PRSS23: variants seen among roughly 807,000 people sequenced by gnomAD.
PRSS23 encodes serine protease 23.
Under a neutral mutation model 34.7 loss-of-function variants are expected in PRSS23, and 25 were observed. That is an observed-to-expected ratio of 0.72 (90% CI 0.53 to 1.01). The LOEUF (loss-of-function observed/expected upper bound fraction) is 1.01. PRSS23 is among the 50% of genes least tolerant of loss of function. PRSS23 has a pLI of 0.00. For synonymous variants in PRSS23, 176 were observed against 186.6 expected, an observed-to-expected ratio of 0.94 and a Z score of 0.46; for missense variants, 445 against 475.6, an observed-to-expected ratio of 0.94 and a Z score of 0.60.
rs192968562 is a variant in PRSS23 at position 86,803,657 on chromosome 11, C to G, written c.-14+3006C>G. The stretch of plus-strand genomic sequence containing the variant: ...TAATGGACAGGAGGGTTGTTTCCCC[C>G]TCAGGCTTTTCTTTGGGGCCTGTCT... On this transcript the variant is annotated intron_variant, in intron 1 of 1. Transcript: ENST00000280258. Among the ~76,000 whole-genome samples, 303 of 152,244 alleles carry G rather than the reference C, an allele frequency of 2.0e-3. 3 individuals carry two copies. The highest frequency in any genetic ancestry group is 0.019 in the Admixed American group (285 of 15,286).
At chr11:86,837,214 G>A (rs1485654107) in intron 2 of PRSS23, 1 of 152,152 alleles carries the variant, frequency 6.6e-6, no homozygotes, top group Non-Finnish European at 1.5e-5. Flanking sequence ...GAACTCAAAT[G>A]TATTATTTTA....
chr11:86,823,928 C>A lies in PRSS23; in HGVS notation c.206+335C>A, dbSNP rs1364342405. The stretch of plus-strand genomic sequence containing the variant: ...GGCTGAGGCAGGAGAATGGCGTGAA[C>A]CCGGGAGGTGGAGCTTGCAGTGAGC... On this transcript the variant is annotated intron_variant, in intron 2 of 2. Transcript: ENST00000533902. 1.0e-4 allele frequency among the ~76,000 whole-genome samples: 14 copies of A among 138,838 alleles called. No individual in the cohort carries two copies. The Admixed American group carries it at 1.1e-3, about 10-fold the overall frequency. The allele number at this position is 138,838 out of a possible 152,430, so 91.1% of individuals were successfully genotyped here. A position where few individuals can be genotyped will look rare whatever the true frequency, so the allele number is the denominator to read the frequency against.
chr11:86,908,999 G>A (rs966388705), intron 2 of PRSS23: 13 of 142,388 alleles, frequency 9.1e-5, no homozygotes, highest in African/African-American at 3.4e-4. Context: ...TAATGTATTT[G>A]TTGAAGGAGC....
chr11:86,854,717 T>A (rs1948555990), intron 2 of PRSS23, among the ~76,000 whole-genome samples: 1 of 152,216 alleles, frequency 6.6e-6, no homozygotes, highest in Non-Finnish European at 1.5e-5. Flanking sequence ...CCACCTTCAT[T>A]CTTATGCATG....
At chr11:86,866,718 G>A (rs1423934150) in intron 2 of PRSS23, among the ~76,000 whole-genome samples, 1 of 152,194 alleles carries the variant, frequency 6.6e-6, no homozygotes, top group Non-Finnish European at 1.5e-5. Flanking sequence ...GGGTCATGGA[G>A]TAGAATCCCT....
chr11:86,825,373 G>A (rs1157500657), intron 2 of PRSS23, among the ~76,000 whole-genome samples: 1 of 152,148 alleles, frequency 6.6e-6, no homozygotes, highest in Non-Finnish European at 1.5e-5. Context: ...GTAGATTCCG[G>A]ATATTAGCCC....
intron 2 of PRSS23, among the ~76,000 whole-genome samples, chr11:86,862,794 C>G: frequency 6.6e-6 from 1 of 151,940 alleles, no homozygotes; most frequent in Non-Finnish European, 1.5e-5. Context: ...GGTGTGTACA[C>G]TCCATGATAT....
At chr11:86,925,247 G>C (rs1590930228) in intron 2 of PRSS23, among the ~76,000 whole-genome samples, 2 of 25,790 alleles carry the variant, frequency 7.8e-5, no homozygotes, top group Admixed American at 9.3e-4. Context: ...TCTCTTGGCA[G>C]GGAATTACCC....
chr11:86,904,511 G>C (rs189147895), intron 2 of PRSS23, among the ~76,000 whole-genome samples: 37 of 152,210 alleles, frequency 2.4e-4, no homozygotes, highest in African/African-American at 8.7e-4. Context: ...GCCTTTCCCA[G>C]GAAGCCTTTC....
At chr11:86,864,523 A>G (rs144066778) in intron 2 of PRSS23, among the ~76,000 whole-genome samples, 114 of 152,342 alleles carry the variant, frequency 7.5e-4, no homozygotes, top group African/African-American at 2.5e-3. Flanking sequence ...GCCTTGAACA[A>G]TCACCAGCTC....
intron 2 of PRSS23, chr11:86,833,487 A>ATG (rs894023314): frequency 3.0e-6 from 1 of 335,682 alleles, no homozygotes; most frequent in African/African-American, 2.1e-5. Context: ...ATATATATAT[A>ATG]TATTTACTGT....
At chr11:86,815,358 T>C (rs942269275), downstream of PRSS23, among the ~76,000 whole-genome samples, 9 of 152,258 alleles carry the variant, frequency 5.9e-5, no homozygotes, top group African/African-American at 2.2e-4. Context: ...TGTAATTTCA[T>C]GAGGACAGAG....
At chr11:86,887,821 G>C (rs938987642) in intron 2 of PRSS23, among the ~76,000 whole-genome samples, 1 of 152,136 alleles carries the variant, frequency 6.6e-6, no homozygotes, top group Non-Finnish European at 1.5e-5. Flanking sequence ...GGAGGCCGAG[G>C]TGGGCAGATC....
chr11:86,916,699 A>C (rs1052410989), intron 2 of PRSS23, among the ~76,000 whole-genome samples: 11 of 152,096 alleles, frequency 7.2e-5, no homozygotes, highest in African/African-American at 2.7e-4. Flanking sequence ...GCCCCCACTC[A>C]GAATCCACAC....
downstream of PRSS23, among the ~76,000 whole-genome samples, chr11:86,812,614 C>A (rs1271038734): frequency 1.3e-5 from 2 of 151,804 alleles, no homozygotes; most frequent in South Asian, 2.1e-4. Context: ...ATGCTGAAAC[C>A]CCGTCACTAC....
At position 86,857,754 on chromosome 11, in the gene PRSS23, C is replaced by G. The variant is rs556183533; in HGVS notation, c.206+34161C>G. 878 of 1,025,324 alleles carry G rather than the reference C, an allele frequency of 8.6e-4. 10 individuals are homozygous for G. The South Asian group carries it at 0.01, about 12-fold the overall frequency. 63.5% of individuals were successfully genotyped at this position (1,025,324 alleles called of 1,614,324 possible). A position where few individuals can be genotyped will look rare whatever the true frequency, so the allele number is the denominator to read the frequency against. ...CCGCATAAGAGATGACTCTGCTATG[C>G]GACTGCATGTCCACAATCATCTTGG... On this transcript the variant is annotated intron_variant, in intron 2 of 2. Coordinates refer to the PRSS23 transcript ENST00000533902.
At chr11:86,853,046 C>T (rs1167940938) in intron 2 of PRSS23, among the ~76,000 whole-genome samples, 2 of 151,102 alleles carry the variant, frequency 1.3e-5, no homozygotes, top group African/African-American at 4.9e-5. Flanking sequence ...TAGAGACGAG[C>T]TTTCACCATA....
rs1196012711 is a variant in PRSS23, at chr11:86,833,458, G to A, written c.206+9865G>A. 62 of 465,682 alleles carry A rather than the reference G, an allele frequency of 1.3e-4. No homozygotes were observed. The Admixed American group carries it at 1.9e-3, about 14-fold the overall frequency. 28.8% of individuals were successfully genotyped at this position (465,682 alleles called of 1,614,324 possible). A position where few individuals can be genotyped will look rare whatever the true frequency, so the allele number is the denominator to read the frequency against. On this transcript the variant is annotated intron_variant, in intron 2 of 2. Coordinates refer to the PRSS23 transcript ENST00000533902. ...AGCATCTGTTAGATTCTGTGGGTCT[G>A]TATAGTTCGGACATGTATATATATA...
intron 2 of PRSS23, among the ~76,000 whole-genome samples, chr11:86,847,571 G>A (rs1280497907): frequency 6.6e-6 from 1 of 152,088 alleles, no homozygotes; most frequent in Admixed American, 6.5e-5. Context: ...CTAACCAGGG[G>A]TGTGGGCATC....
Sources: allele counts gnomAD v4.1 joint callset (sites outside exome capture counted in the v4.1 genomes callset), GRCh38; gene constraint gnomAD v4.1.1; transcripts MANE v1.5; gene names NCBI Gene and HGNC (gene_info 2026-07-23, HGNC 2026-07-21).